Variants in GALNT13 observed in about 807,000 individuals in gnomAD.
GALNT13 encodes the protein UDP-GalNAc:polypeptide N-acetylgalactosaminyltransferase 13.
GALNT13 carries 28 observed loss-of-function variants against 64.2 expected under a neutral mutation model. The ratio of observed to expected loss-of-function variants is 0.44; its 90% CI spans 0.32 to 0.60. The LOEUF is 0.60. Among genes scored for constraint, GALNT13 ranks in the 20% least tolerant of loss-of-function variants. The pLI is 0.05. For missense variants in GALNT13, 577 were observed against 669.8 expected, an observed-to-expected ratio of 0.86 and a Z score of 1.53; for synonymous variants, 214 against 224.6, an observed-to-expected ratio of 0.95 and a Z score of 0.42.
the GALNT13 span, among the ~76,000 whole-genome samples, chr2:153,630,219 T>C: frequency 6.6e-6 from 1 of 152,020 alleles, no homozygotes; most frequent in Non-Finnish European, 1.5e-5. Flanking sequence ...TGCAGCACTA[T>C]TCACAATAGC....
intron 3 of GALNT13, among the ~76,000 whole-genome samples, chr2:154,120,222 G>A (rs796861125): frequency 6.6e-5 from 10 of 152,256 alleles, no homozygotes; most frequent in African/African-American, 2.4e-4. Flanking sequence ...GTGATGTCAG[G>A]TGGAGCTTCT....
intron 4 of GALNT13, among the ~76,000 whole-genome samples, chr2:154,147,846 C>T (rs988785495): frequency 6.6e-6 from 1 of 151,040 alleles, no homozygotes; most frequent in Non-Finnish European, 1.5e-5. Context: ...AAATATTATC[C>T]ACTATCATGG....
the GALNT13 span, among the ~76,000 whole-genome samples, chr2:153,722,302 A>G: frequency 2.8e-5 from 4 of 144,794 alleles, no homozygotes; most frequent in African/African-American, 8.1e-5. Flanking sequence ...GGACGCATTC[A>G]AAGCAGTGTG....
At chr2:153,880,842 CT>C (rs1686733969) in intron 1 of GALNT13, among the ~76,000 whole-genome samples, 1 of 88,324 alleles carries the variant, frequency 1.1e-5, no homozygotes, top group Non-Finnish European at 2.0e-5. Context: ...GTTCTTTGTT[CT>C]TCTTTCCATT....
the GALNT13 span, among the ~76,000 whole-genome samples, chr2:153,261,371 G>A: frequency 6.6e-6 from 1 of 152,080 alleles, no homozygotes; most frequent in African/African-American, 2.4e-5. Context: ...GTATTTGGAG[G>A]GACTTGGGTA....
the GALNT13 span, among the ~76,000 whole-genome samples, chr2:153,213,695 G>T: frequency 6.6e-6 from 1 of 152,176 alleles, no homozygotes; most frequent in African/African-American, 2.4e-5. Flanking sequence ...ACAGCCATCT[G>T]ATTTCAGTCA....
the GALNT13 span, among the ~76,000 whole-genome samples, chr2:153,279,243 T>C: frequency 6.6e-6 from 1 of 152,200 alleles, no homozygotes; most frequent in African/African-American, 2.4e-5. Flanking sequence ...GTTTATCAGT[T>C]CCAGGAGCCT....
the GALNT13 span, among the ~76,000 whole-genome samples, chr2:153,289,541 G>A: frequency 3.3e-5 from 5 of 152,166 alleles, no homozygotes; most frequent in African/African-American, 1.2e-4. Flanking sequence ...AGTTTCTACT[G>A]CTTTCCTTGG....
chr2:154,236,755 T>C (rs1573931458), intron 4 of GALNT13, among the ~76,000 whole-genome samples: 1 of 152,222 alleles, frequency 6.6e-6, no homozygotes, highest in East Asian at 1.9e-4. Flanking sequence ...CCCATTTAGA[T>C]GTTTACATAA....
At chr2:153,603,251 G>C in the GALNT13 span, among the ~76,000 whole-genome samples, 26,887 of 151,680 alleles carry the variant, frequency 0.18, 2,691 homozygotes, top group African/African-American at 0.27. Flanking sequence ...TGGACATAAT[G>C]ACTGGAGCAA....
At chr2:153,121,364 T>C in the GALNT13 span, among the ~76,000 whole-genome samples, 3 of 152,220 alleles carry the variant, frequency 2.0e-5, no homozygotes, top group South Asian at 6.2e-4. Flanking sequence ...GTTCAGTGAT[T>C]ACTGTTAACT....
At chr2:154,215,433 T>C (rs900305098) in intron 4 of GALNT13, among the ~76,000 whole-genome samples, 1 of 152,156 alleles carries the variant, frequency 6.6e-6, no homozygotes, top group Non-Finnish European at 1.5e-5. Flanking sequence ...GATACCTTCA[T>C]GATCTAACCT....
intron 4 of GALNT13, among the ~76,000 whole-genome samples, chr2:154,160,356 G>A (rs1185670544): frequency 6.6e-6 from 1 of 152,098 alleles, no homozygotes; most frequent in Non-Finnish European, 1.5e-5. Context: ...CACCACGCAA[G>A]AACTTGCTTC....
the GALNT13 span, among the ~76,000 whole-genome samples, chr2:153,284,720 A>G: frequency 6.6e-6 from 1 of 152,110 alleles, no homozygotes; most frequent in Non-Finnish European, 1.5e-5. Flanking sequence ...GGGTGCTTTC[A>G]TGATGGGTGT....
At chr2:153,329,265 TC>T in the GALNT13 span, among the ~76,000 whole-genome samples, 1 of 152,180 alleles carries the variant, frequency 6.6e-6, no homozygotes, top group Non-Finnish European at 1.5e-5. Flanking sequence ...CTTGCCAGCC[TC>T]CCCAATTTGT....
intron 3 of GALNT13, among the ~76,000 whole-genome samples, chr2:154,120,234 G>T (rs184324322): frequency 6.6e-6 from 1 of 152,256 alleles, no homozygotes; most frequent in African/African-American, 2.4e-5. Flanking sequence ...GGAGCTTCTG[G>T]TTGGGCTCTA....
chr2:153,907,196 TG>T (rs1688625353), intron 2 of GALNT13, among the ~76,000 whole-genome samples: 1 of 151,976 alleles, frequency 6.6e-6, no homozygotes, highest in African/African-American at 2.4e-5. Context: ...TTTTGTAGGT[TG>T]CCTTTTCACT....
At chr2:153,700,726 C>T in the GALNT13 span, among the ~76,000 whole-genome samples, 2 of 151,930 alleles carry the variant, frequency 1.3e-5, no homozygotes, top group Admixed American at 6.6e-5. Context: ...AAATCATGAA[C>T]GATCCCCTAT....
the GALNT13 span, among the ~76,000 whole-genome samples, chr2:153,436,499 C>T: frequency 2.0e-5 from 3 of 152,078 alleles, no homozygotes; most frequent in Non-Finnish European, 4.4e-5. Flanking sequence ...ATTGCCTCAA[C>T]TTCAGAGCTT....
Sources: gnomAD v4.1 joint callset for allele counts (sites outside exome capture counted in the v4.1 genomes callset) on GRCh38, gnomAD v4.1.1 for gene constraint, MANE v1.5 for transcripts, NCBI Gene and HGNC (gene_info 2026-07-23, HGNC 2026-07-21) for gene names.